Variants in LAMTOR3 observed in about 807,000 individuals in gnomAD.
The protein encoded by LAMTOR3 is late endosomal/lysosomal adaptor, MAPK and MTOR activator 3, also known as ragulator complex protein LAMTOR3.
LAMTOR3 carries 14 observed loss-of-function variants against 20.3 expected under a neutral mutation model. That is an observed-to-expected ratio of 0.69 (90% CI 0.46 to 1.08). The LOEUF (loss-of-function observed/expected upper bound fraction) is 1.08. Ranked by LOEUF, LAMTOR3 falls within the 50% of genes least tolerant of loss-of-function variation. The pLI is 0.00. For synonymous variants in LAMTOR3, 40 were observed against 49.4 expected (o/e 0.81, Z 0.80); for missense variants, 125 against 143.7 (o/e 0.87, Z 0.67).
chr4:99,886,811 A>T (rs571854268), intron 4 of LAMTOR3, among the ~76,000 whole-genome samples: 1 of 152,268 alleles, frequency 6.6e-6, no homozygotes, highest in Admixed American at 6.5e-5. Context: ...AATAGTAAAA[A>T]TTGTCTGAAT....
intron 5 of LAMTOR3, 91 bp downstream of exon 5, chr4:99,885,451 T>C: frequency 1.7e-6 from 2 of 1,143,354 alleles, no homozygotes; most frequent in South Asian, 4.7e-5. Context: ...AAAACTAAAA[T>C]TGAGAACTAT....
chr4:99,885,195 GT>G (rs908215008), intron 5 of LAMTOR3, among the ~76,000 whole-genome samples: 38 of 151,852 alleles, frequency 2.5e-4, no homozygotes, highest in Non-Finnish European at 7.4e-5. Context: ...TTCAAGGAAA[GT>G]TTTTTTTATC....
chr4:99,884,080 T>C lies in LAMTOR3; in HGVS notation c.283A>G (p.Ser95Gly). 6.2e-7 allele frequency: 1 copy of C among 1,611,646 alleles called. No homozygotes were observed. Among genetic ancestry groups the C allele is most frequent in the African/African-American group, 1.3e-5 (1 of 74,960 alleles). The change falls in exon 6 of 7, where the codon AGC (serine) becomes GGC (glycine). Residue 95 changes from serine to glycine, a missense_variant. Transcript: ENST00000499666. Reference protein sequence around the residue: ...RLPLVVSFIASSSANTGLIVS... With the variant: ...RLPLVVSFIAGSSANTGLIVS... ...AACACACCTGTATTGGCACTGCTGCTGGCTATGAAACTCACCACCAAAGGT... is the reference window on the plus strand; with the variant it reads ...AACACACCTGTATTGGCACTGCTGCCGGCTATGAAACTCACCACCAAAGGT...
intron 3 of LAMTOR3, among the ~76,000 whole-genome samples, chr4:99,888,808 C>G (rs1289096067): frequency 6.6e-6 from 1 of 152,100 alleles, no homozygotes; most frequent in African/African-American, 2.4e-5. Context: ...AATAAAATAA[C>G]TTTATAAATG....
intron 3 of LAMTOR3, among the ~76,000 whole-genome samples, chr4:99,891,228 A>G (rs542892475): frequency 2.6e-5 from 4 of 152,292 alleles, no homozygotes; most frequent in African/African-American, 4.8e-5. Flanking sequence ...CTCCGTCCCA[A>G]TTTGAGCGCC....
intron 2 of LAMTOR3, among the ~76,000 whole-genome samples, chr4:99,893,698 G>A (rs1725067574): frequency 6.6e-6 from 1 of 152,122 alleles, no homozygotes; most frequent in Non-Finnish European, 1.5e-5. Flanking sequence ...CTGGACTGGG[G>A]AGTAGGGAGA....
intron 5 of LAMTOR3, among the ~76,000 whole-genome samples, chr4:99,884,399 C>T (rs1181799645): frequency 6.6e-6 from 1 of 152,086 alleles, no homozygotes; most frequent in Non-Finnish European, 1.5e-5. Flanking sequence ...TAAAGCCCAA[C>T]AGAATATCAA....
intron 3 of LAMTOR3, 115 bp downstream of exon 3, chr4:99,891,885 A>T (rs1578204841): frequency 7.0e-7 from 1 of 1,437,794 alleles, no homozygotes. Flanking sequence ...AAAAATATTC[A>T]TATTAAAGGA....
intron 4 of LAMTOR3, among the ~76,000 whole-genome samples, chr4:99,886,473 A>G (rs1724927266): frequency 6.6e-6 from 1 of 152,244 alleles, no homozygotes; most frequent in Non-Finnish European, 1.5e-5. Flanking sequence ...ATCAATGTGT[A>G]TTACAGAAAT....
chr4:99,878,863 T>G lies in LAMTOR3; in HGVS notation c.*3131A>C, dbSNP rs1036154024. On this transcript the variant is annotated 3_prime_UTR_variant, in exon 7 of 7. Coordinates refer to ENST00000499666, the MANE Select transcript of LAMTOR3 (RefSeq NM_021970.4). Reference sequence around the variant, plus strand: ...TGGTAGTGTTCAAAAAGCCAAAGCATATGGTTATCCTACCTATGGCAGATA... The same window carrying G: ...TGGTAGTGTTCAAAAAGCCAAAGCAGATGGTTATCCTACCTATGGCAGATA... 2.0e-5 allele frequency: 3 copies of G among 152,228 alleles called. No homozygotes were observed. Among genetic ancestry groups the G allele is most frequent in the East Asian group, 3.8e-4 (2 of 5,200 alleles). 9.4% of individuals were successfully genotyped at this position (152,228 alleles called of 1,614,324 possible).
rs1724825845 is a variant in LAMTOR3, at chr4:99,881,459, T to C, written c.*535A>G. The stretch of plus-strand genomic sequence containing the variant: ...CAAACTGATTAGTAATATTCATCTA[T>C]ACTGCAAAATAATATGTACAAAGGA... On this transcript the variant is annotated 3_prime_UTR_variant, in exon 7 of 7. Coordinates refer to ENST00000499666, the MANE Select transcript of LAMTOR3 (RefSeq NM_021970.4). 6.6e-6 allele frequency: 1 copy of C among 152,482 alleles called. No homozygotes were observed. The highest frequency in any genetic ancestry group is 6.5e-5 in the Admixed American group (1 of 15,314). The allele number at this position is 152,482 out of a possible 1,614,324, so 9.4% of individuals were successfully genotyped here. A position where few individuals can be genotyped will look rare whatever the true frequency, so the allele number is the denominator to read the frequency against.
intron 2 of LAMTOR3, among the ~76,000 whole-genome samples, chr4:99,893,082 G>A (rs898202415): frequency 2.6e-5 from 4 of 152,158 alleles, no homozygotes; most frequent in Non-Finnish European, 5.9e-5. Flanking sequence ...TTTCTAAGCT[G>A]GGGCTCACTG....
At chr4:99,885,410 A>C (rs1042333671) in intron 5 of LAMTOR3, 132 bp downstream of exon 5, 4 of 662,548 alleles carry the variant, frequency 6.0e-6, no homozygotes, top group Non-Finnish European at 9.5e-6. Context: ...AACCAATTTG[A>C]AGGCTAAAAT....
chr4:99,882,380 T>A (rs568517950), intron 6 of LAMTOR3, among the ~76,000 whole-genome samples: 1 of 152,158 alleles, frequency 6.6e-6, no homozygotes, highest in Non-Finnish European at 1.5e-5. Flanking sequence ...TTTCAGACTT[T>A]AGAATGTTTT....
At chr4:99,887,633 G>C (rs1325772355) in intron 3 of LAMTOR3, among the ~76,000 whole-genome samples, 1 of 152,102 alleles carries the variant, frequency 6.6e-6, no homozygotes, top group Non-Finnish European at 1.5e-5. Context: ...ATCAGTCCAT[G>C]GTACACAAAA....
chr4:99,894,164 C>G lies in LAMTOR3; in HGVS notation c.-37-164G>C, dbSNP rs559321740. Among the ~76,000 whole-genome samples the G allele has an allele frequency of 4.6e-5, 7 of 152,232 alleles. 1 individual carries two copies. Among genetic ancestry groups the G allele is most frequent in the South Asian group, 2.1e-4 (1 of 4,822 alleles). On this transcript the variant is annotated intron_variant, in intron 1 of 6. Coordinates refer to ENST00000499666, the MANE Select transcript of LAMTOR3 (RefSeq NM_021970.4). ...GGGAGTCGGAGTGCCCCAGCACCCC[C>G]ACAGGTACTCAGCTGGCACACCTTA...
intron 5 of LAMTOR3, among the ~76,000 whole-genome samples, chr4:99,885,096 T>G (rs1457880153): frequency 1.3e-5 from 2 of 152,194 alleles, no homozygotes; most frequent in East Asian, 3.8e-4. Flanking sequence ...AAAAACTAAC[T>G]TCTTTCCCAC....
intron 2 of LAMTOR3, 146 bp from the exon 3 acceptor site, chr4:99,892,180 T>G: frequency 7.3e-7 from 1 of 1,367,466 alleles, no homozygotes; most frequent in Non-Finnish European, 9.5e-7. Context: ...GATTTGGATG[T>G]TTACTAGTCA....
chr4:99,887,434 T>G, intron 3 of LAMTOR3, 80 bp from the exon 4 acceptor site: 1 of 626,784 alleles, frequency 1.6e-6, no homozygotes, highest in Non-Finnish European at 2.4e-6. Flanking sequence ...ATATTTCATT[T>G]TCTCAAACTA....
Sources: allele counts gnomAD v4.1 joint callset (sites outside exome capture counted in the v4.1 genomes callset), GRCh38; gene constraint gnomAD v4.1.1; transcripts MANE v1.5; gene names NCBI Gene and HGNC (gene_info 2026-07-23, HGNC 2026-07-21).